Variants in RGS7 observed in about 807,000 individuals in gnomAD.
The protein encoded by RGS7 is regulator of G-protein signaling 7.
In RGS7, 27 loss-of-function variants were observed where a neutral mutation model predicts 81.1. That is an observed-to-expected ratio of 0.33 (90% CI 0.25 to 0.46). The LOEUF (loss-of-function observed/expected upper bound fraction) is 0.46. RGS7 is among the 20% of genes least tolerant of loss of function. The pLI is 1.00. For synonymous variants in RGS7, 208 were observed against 207.7 expected (o/e 1.00, Z -0.01); for missense variants, 396 against 607.4 (o/e 0.65, Z 3.66).
At chr1:241,210,566 G>A (rs373144302) in intron 2 of RGS7, among the ~76,000 whole-genome samples, 11 of 152,292 alleles carry the variant, frequency 7.2e-5, no homozygotes, top group African/African-American at 2.4e-4. Flanking sequence ...CAAACCCTTC[G>A]TAAAGTTCAG....
intron 2 of RGS7, among the ~76,000 whole-genome samples, chr1:241,327,947 T>G (rs972085264): frequency 3.3e-5 from 5 of 152,218 alleles, no homozygotes; most frequent in Non-Finnish European, 7.3e-5. Context: ...GTAACCATAT[T>G]TTCAAAGCAG....
At chr1:241,223,356 G>C (rs1419854478) in intron 2 of RGS7, among the ~76,000 whole-genome samples, 17 of 152,100 alleles carry the variant, frequency 1.1e-4, no homozygotes, top group Non-Finnish European at 2.9e-5. Context: ...GCCAAGATTT[G>C]TCCTGATAAA....
chr1:241,216,718 G>C lies in RGS7; in HGVS notation c.79-117956C>G, dbSNP rs543339600. Among the ~76,000 whole-genome samples, 34 of 152,264 alleles carry C rather than the reference G, an allele frequency of 2.2e-4. No individual in the cohort carries two copies. The East Asian group carries it at 6.6e-3, about 29-fold the overall frequency. ...AATGAGTTTGTGGCCCAAACAAATGGAAAGAGATATAATCCTGGGAATCTG... is the reference window on the plus strand; with the variant it reads ...AATGAGTTTGTGGCCCAAACAAATGCAAAGAGATATAATCCTGGGAATCTG... On this transcript the variant is annotated intron_variant, in intron 2 of 18. Coordinates refer to ENST00000440928, the MANE Select transcript of RGS7 (RefSeq NM_001364886.1).
intron 3 of RGS7, among the ~76,000 whole-genome samples, chr1:241,042,961 A>C (rs936759651): frequency 6.6e-6 from 1 of 152,022 alleles, no homozygotes; most frequent in Non-Finnish European, 1.5e-5. Context: ...GTCTCAAAAA[A>C]AAAAAAAAAA....
chr1:240,918,139 G>A (rs1672900182), intron 6 of RGS7, among the ~76,000 whole-genome samples: 1 of 152,102 alleles, frequency 6.6e-6, no homozygotes, highest in African/African-American at 2.4e-5. Context: ...AGAAATGGAT[G>A]AACAATTACT....
At chr1:241,352,146 C>T (rs1038290648) in intron 2 of RGS7, among the ~76,000 whole-genome samples, 3 of 152,078 alleles carry the variant, frequency 2.0e-5, no homozygotes, top group Admixed American at 2.0e-4. Flanking sequence ...CTAAAGCCGA[C>T]CAAAAACGGG....
intron 6 of RGS7, among the ~76,000 whole-genome samples, chr1:240,871,500 C>T (rs1664488729): frequency 6.6e-6 from 1 of 152,174 alleles, no homozygotes; most frequent in Admixed American, 6.5e-5. Context: ...GACATTCCTA[C>T]AAATGCTAAG....
In RGS7 at chr1:241,190,391, A is replaced by C. The variant is rs112550398; in HGVS notation, c.79-91629T>G. ...TCATATTTTGATAAGAATTATGTTA[A>C]ATCTGTATGTCAGTTTGTGAAGAAC... is the stretch of plus-strand genomic sequence containing the variant. On this transcript the variant is annotated intron_variant, in intron 2 of 18. Coordinates refer to ENST00000440928, the MANE Select transcript of RGS7 (RefSeq NM_001364886.1). Among the ~76,000 whole-genome samples the C allele has an allele frequency of 6.7e-3, 1,024 of 152,148 alleles. 15 individuals carry two copies. The highest frequency in any genetic ancestry group is 0.024 in the African/African-American group (979 of 41,522).
intron 2 of RGS7, 78 bp downstream of exon 2, chr1:241,355,621 A>G: frequency 8.0e-7 from 1 of 1,247,602 alleles, no homozygotes; most frequent in Admixed American, 1.7e-5. Flanking sequence ...AAGTTGATAC[A>G]TACTCTGATC....
intron 2 of RGS7, among the ~76,000 whole-genome samples, chr1:241,234,454 A>G (rs1176148390): frequency 1.3e-5 from 2 of 152,032 alleles, no homozygotes; most frequent in African/African-American, 4.8e-5. Flanking sequence ...AAAACAGCCA[A>G]TGCATATCTT....
chr1:240,825,330 A>C (rs529664180), intron 10 of RGS7, among the ~76,000 whole-genome samples: 1 of 152,316 alleles, frequency 6.6e-6, no homozygotes, highest in African/African-American at 2.4e-5. Flanking sequence ...GATACTTCTA[A>C]AAAATATTAG....
chr1:241,306,739 G>GT (rs1456337743), intron 2 of RGS7, among the ~76,000 whole-genome samples: 2 of 150,406 alleles, frequency 1.3e-5, no homozygotes, highest in Admixed American at 6.6e-5. Context: ...TTATGCACAC[G>GT]TCCCCACACT....
At chr1:241,087,944 A>ATC (rs574047844) in intron 3 of RGS7, among the ~76,000 whole-genome samples, 3,058 of 116,030 alleles carry the variant, frequency 0.026, 57 homozygotes, top group East Asian at 0.058. Context: ...GCAAGACTCC[A>ATC]TCTCTCTCTC....
At chr1:241,008,912 C>CAA (rs33916247) in intron 3 of RGS7, among the ~76,000 whole-genome samples, 75 of 77,836 alleles carry the variant, frequency 9.6e-4, no homozygotes, top group Middle Eastern at 8.5e-3. Flanking sequence ...ACTCTGTCTC[C>CAA]AAAAAAAAAA....
intron 2 of RGS7, among the ~76,000 whole-genome samples, chr1:241,340,549 T>C (rs1477105742): frequency 2.0e-5 from 3 of 152,176 alleles, no homozygotes; most frequent in African/African-American, 7.2e-5. Context: ...TTCATAGGTC[T>C]AAAACAACTA....
In RGS7 at chr1:241,271,571, G is replaced by A. The variant is rs2077898086; in HGVS notation, c.78+84128C>T. Among the ~76,000 whole-genome samples the A allele has an allele frequency of 6.6e-6, 1 of 152,222 alleles. No individual in the cohort carries two copies. The highest frequency in any genetic ancestry group is 1.5e-5 in the Non-Finnish European group (1 of 68,048). On this transcript the variant is annotated intron_variant, in intron 2 of 18. Transcript: ENST00000440928. The surrounding 1 kb of genome is among the most constrained non-coding windows in gnomAD (Gnocchi z 4.6). ...ATTATTTTTGGGTGTGTCTGTGAGAGGCTTTCTGGAAGAAATTAGCATTTG... is the reference window on the plus strand; with the variant it reads ...ATTATTTTTGGGTGTGTCTGTGAGAAGCTTTCTGGAAGAAATTAGCATTTG...
chr1:240,937,079 C>CGAAACG (rs1412169936), intron 4 of RGS7, among the ~76,000 whole-genome samples: 8 of 152,272 alleles, frequency 5.3e-5, no homozygotes, highest in African/African-American at 1.9e-4. Context: ...TGCCTTGTAC[C>CGAAACG]GAAACGGACA....
intron 4 of RGS7, among the ~76,000 whole-genome samples, chr1:240,970,839 C>T (rs1193624210): frequency 3.3e-5 from 5 of 151,948 alleles, no homozygotes; most frequent in South Asian, 2.1e-4. Context: ...CAAAAATTAG[C>T]GTGGTGGTGT....
At chr1:240,788,590 T>TATG (rs1230360444) in intron 18 of RGS7, among the ~76,000 whole-genome samples, 5 of 152,228 alleles carry the variant, frequency 3.3e-5, no homozygotes, top group African/African-American at 1.2e-4. Flanking sequence ...CAATCTGTGT[T>TATG]ATCATGAGCA....
Sources: allele counts gnomAD v4.1 joint callset (sites outside exome capture counted in the v4.1 genomes callset), GRCh38; gene constraint gnomAD v4.1.1; non-coding constraint Gnocchi (gnomAD v3.1); transcripts MANE v1.5; gene names NCBI Gene and HGNC (gene_info 2026-07-23, HGNC 2026-07-21).